Variants in RBFOX1 observed in about 807,000 individuals in gnomAD.
RBFOX1 encodes RNA binding fox-1 homolog 1.
A neutral mutation model predicts 57.7 loss-of-function variants in RBFOX1; 8 were observed. The ratio of observed to expected loss-of-function variants is 0.14; its 90% CI spans 0.08 to 0.25. The LOEUF (loss-of-function observed/expected upper bound fraction) is 0.25, where lower values mean the gene tolerates loss of function less well. Ranked by LOEUF, RBFOX1 falls within the 10% of genes least tolerant of loss-of-function variation. RBFOX1 has a pLI of 1.00. For synonymous variants in RBFOX1, 326 were observed against 222.4 expected (o/e 1.47, Z -4.15); for missense variants, 611 against 548.5 (o/e 1.11, Z -1.14).
At chr16:7,003,333 A>G (rs766721724) in intron 3 of RBFOX1, among the ~76,000 whole-genome samples, 7 of 151,952 alleles carry the variant, frequency 4.6e-5, no homozygotes, top group East Asian at 3.9e-4. Flanking sequence ...GATGGTGAGC[A>G]CTTGTAGTCC....
chr16:7,490,969 G>A (rs2066783117), intron 4 of RBFOX1, among the ~76,000 whole-genome samples: 1 of 152,000 alleles, frequency 6.6e-6, no homozygotes, highest in Admixed American at 6.6e-5. Flanking sequence ...ATCTAACACT[G>A]GAGATCTCTT....
In RBFOX1 at chr16:5,374,387, G is replaced by A. The variant is rs150368672; in HGVS notation, c.220-92829G>A. ...CAGGGAAGGCTTCCTGGAGGAGGTGGCCTTTGAGTTAGTCCTTAAATTTGC... is the reference window on the plus strand; with the variant it reads ...CAGGGAAGGCTTCCTGGAGGAGGTGACCTTTGAGTTAGTCCTTAAATTTGC... On this transcript the variant is annotated intron_variant, in intron 1 of 2. Coordinates refer to the RBFOX1 transcript ENST00000585867. Among the ~76,000 whole-genome samples, 37 of 152,336 alleles carry A rather than the reference G, an allele frequency of 2.4e-4. No homozygotes were observed. The East Asian group carries it at 6.2e-3, about 25-fold the overall frequency.
At chr16:6,064,573 G>T (rs976547051) in intron 1 of RBFOX1, among the ~76,000 whole-genome samples, 1 of 151,522 alleles carries the variant, frequency 6.6e-6, no homozygotes, top group Non-Finnish European at 1.5e-5. Context: ...ACGGAGTGTC[G>T]CTCTGTCACC....
chr16:6,390,958 A>G (rs2092571959), intron 2 of RBFOX1, among the ~76,000 whole-genome samples: 1 of 152,126 alleles, frequency 6.6e-6, no homozygotes, highest in Admixed American at 6.5e-5. Flanking sequence ...TCGAAGCTGG[A>G]GAATGCTCTT....
chr16:6,767,951 AAGAAGAAGAAGAAG>A (rs2077629859), intron 3 of RBFOX1, among the ~76,000 whole-genome samples: 1 of 71,862 alleles, frequency 1.4e-5, no homozygotes, highest in Admixed American at 1.4e-4. Flanking sequence ...TAATAATAAG[AAGAAGAAGAAGAAG>A]AAGAAGAAGA....
chr16:5,645,288 A>G (rs929963222), intron 3 of RBFOX1, among the ~76,000 whole-genome samples: 1 of 149,134 alleles, frequency 6.7e-6, no homozygotes, highest in Non-Finnish European at 1.5e-5. Flanking sequence ...AAAAAAAAAC[A>G]TGCTGAGTGA....
rs2096486800 is a variant in RBFOX1 at position 6,520,961 on chromosome 16, C to G, written c.-63-133642C>G. ...GTGTAGGGGGGGAAAAAAATAATTG[C>G]TTCGCCACTAGAGAGATGTAAATTG... On this transcript the variant is annotated intron_variant, in intron 2 of 15. Coordinates refer to ENST00000550418, the MANE Select transcript of RBFOX1 (RefSeq NM_018723.4). 2.6e-5 allele frequency among the ~76,000 whole-genome samples: 4 copies of G among 151,652 alleles called. No individual in the cohort carries two copies. The South Asian group carries it at 8.4e-4, about 32-fold the overall frequency.
At chr16:6,153,325 CA>C (rs1273030390) in intron 1 of RBFOX1, among the ~76,000 whole-genome samples, 2 of 151,936 alleles carry the variant, frequency 1.3e-5, no homozygotes, top group Non-Finnish European at 2.9e-5. Context: ...TTCAGTAAAA[CA>C]AAAAACAAAA....
chr16:7,080,599 C>G (rs7198970), intron 4 of RBFOX1, among the ~76,000 whole-genome samples: 16,259 of 152,210 alleles, frequency 0.11, 2,701 homozygotes, highest in African/African-American at 0.36. Context: ...CTCTGGGTAT[C>G]CTTTTTTCAT....
intron 4 of RBFOX1, among the ~76,000 whole-genome samples, chr16:5,948,398 C>T (rs897088814): frequency 6.6e-6 from 1 of 152,182 alleles, no homozygotes. Context: ...TTCTCAGGCC[C>T]ACCATAGATT....
chr16:6,083,934 C>T (rs867366667), intron 1 of RBFOX1, among the ~76,000 whole-genome samples: 5 of 152,138 alleles, frequency 3.3e-5, no homozygotes, highest in African/African-American at 1.2e-4. Context: ...GAAGAAGTCT[C>T]CCAAAGGAGC....
At chr16:6,860,223 C>G (rs185368508) in intron 3 of RBFOX1, among the ~76,000 whole-genome samples, 1 of 152,286 alleles carries the variant, frequency 6.6e-6, no homozygotes, top group East Asian at 1.9e-4. Context: ...ATATTGAATG[C>G]CCGTTATGTT....
intron 4 of RBFOX1, among the ~76,000 whole-genome samples, chr16:7,375,788 C>G (rs894159904): frequency 6.6e-6 from 1 of 152,144 alleles, no homozygotes; most frequent in Non-Finnish European, 1.5e-5. Flanking sequence ...TCCCCCCATG[C>G]TTTAATGAAT....
At chr16:6,061,265 C>A (rs2095682779) in intron 1 of RBFOX1, among the ~76,000 whole-genome samples, 1 of 152,168 alleles carries the variant, frequency 6.6e-6, no homozygotes, top group South Asian at 2.1e-4. Flanking sequence ...AGTTACCAAA[C>A]ATATATGCCC....
At chr16:6,069,723 G>A (rs112133455) in intron 1 of RBFOX1, among the ~76,000 whole-genome samples, 3 of 152,002 alleles carry the variant, frequency 2.0e-5, no homozygotes, top group South Asian at 2.1e-4. Flanking sequence ...GAGGTGGCTC[G>A]CACCTGTAAT....
chr16:6,401,639 C>A (rs1408650883), intron 2 of RBFOX1, among the ~76,000 whole-genome samples: 2 of 152,154 alleles, frequency 1.3e-5, no homozygotes, highest in African/African-American at 4.8e-5. Flanking sequence ...TACCCATACC[C>A]CATTTCAAAT....
intron 2 of RBFOX1, among the ~76,000 whole-genome samples, chr16:6,563,464 T>G (rs2097211732): frequency 6.6e-6 from 1 of 152,054 alleles, no homozygotes; most frequent in Admixed American, 6.6e-5. Flanking sequence ...GTCAAAAAAT[T>G]TGGTGCATCC....
chr16:7,088,291 A>G (rs1420265325), intron 4 of RBFOX1, among the ~76,000 whole-genome samples: 1 of 152,116 alleles, frequency 6.6e-6, no homozygotes, highest in African/African-American at 2.4e-5. Context: ...CCAAGAATGA[A>G]CTGCTCTGAG....
intron 2 of RBFOX1, among the ~76,000 whole-genome samples, chr16:5,578,375 G>C (rs1448332463): frequency 6.6e-6 from 1 of 152,152 alleles, no homozygotes; most frequent in East Asian, 1.9e-4. Context: ...GTAAAAGGAA[G>C]GAAGGGTGGA....
Sources: allele counts gnomAD v4.1 joint callset (sites outside exome capture counted in the v4.1 genomes callset), GRCh38; gene constraint gnomAD v4.1.1; transcripts MANE v1.5; gene names NCBI Gene and HGNC (gene_info 2026-07-23, HGNC 2026-07-21).